Variants in DCC observed in about 807,000 individuals in gnomAD.
The protein encoded by DCC is DCC netrin 1 receptor, also known as netrin receptor DCC.
Under a neutral mutation model 172.5 loss-of-function variants are expected in DCC, and 58 were observed. The observed-to-expected ratio is 0.34, with a 90% CI of 0.27 to 0.42. DCC has a LOEUF of 0.42. DCC is among the 10% of genes least tolerant of loss of function. The pLI is 1.00. For synonymous variants in DCC, 709 were observed against 644.5 expected, an observed-to-expected ratio of 1.10 and a Z score of -1.52; for missense variants, 1,740 against 1,791.0, an observed-to-expected ratio of 0.97 and a Z score of 0.51.
chr18:52,391,768 A>C (rs906643075), intron 1 of DCC, among the ~76,000 whole-genome samples: 2 of 152,096 alleles, frequency 1.3e-5, no homozygotes, highest in African/African-American at 4.8e-5. Context: ...ACTCTATTCT[A>C]TTTGGGCATA....
chr18:53,255,984 T>C (rs2056506004), intron 12 of DCC, among the ~76,000 whole-genome samples: 1 of 152,222 alleles, frequency 6.6e-6, no homozygotes, highest in African/African-American at 2.4e-5. Context: ...CATTTTTTCA[T>C]GTGTCTTTTG....
chr18:53,336,051 G>A (rs1185076640), intron 14 of DCC, among the ~76,000 whole-genome samples: 2 of 152,124 alleles, frequency 1.3e-5, no homozygotes, highest in Non-Finnish European at 2.9e-5. Flanking sequence ...ATTTGGGTGG[G>A]AACACAACCA....
Position 53,322,169 on chromosome 18 carries a change from T to C in DCC, c.2164+12T>C, listed in dbSNP as rs558621040. 2.3e-4 allele frequency: 286 copies of C among 1,270,580 alleles called. No homozygotes were observed. In the African/African-American group the frequency reaches 3.4e-3, roughly 15 times the overall value. The allele number at this position is 1,270,580 out of a possible 1,614,324, so 78.7% of individuals were successfully genotyped here. A position where few individuals can be genotyped will look rare whatever the true frequency, so the allele number is the denominator to read the frequency against. ...GAATGATCTAGATGGTAAGACTTTT[T>C]CCCAGTTACTATCACTCTGATTATC... On this transcript the variant is annotated intron_variant, in intron 14 of 28. Transcript: ENST00000442544.
intron 5 of DCC, among the ~76,000 whole-genome samples, chr18:53,027,059 T>G (rs562545221): frequency 3.3e-5 from 5 of 152,300 alleles, no homozygotes; most frequent in African/African-American, 1.2e-4. Context: ...ACATAAATGC[T>G]AATTTCCTGG....
chr18:52,538,169 C>A (rs1202586866), intron 1 of DCC, among the ~76,000 whole-genome samples: 1 of 152,142 alleles, frequency 6.6e-6, no homozygotes, highest in East Asian at 1.9e-4. Flanking sequence ...CCGAAGTCTC[C>A]CAGTAGTCTT....
chr18:52,982,993 G>A (rs76886930), intron 5 of DCC, among the ~76,000 whole-genome samples: 17,203 of 152,176 alleles, frequency 0.11, 1,364 homozygotes, highest in East Asian at 0.31. Context: ...TGGTTTGCCT[G>A]GGAGAGTGCT....
chr18:53,317,796 G>A (rs1013145823), intron 13 of DCC, among the ~76,000 whole-genome samples: 2 of 152,090 alleles, frequency 1.3e-5, no homozygotes, highest in Non-Finnish European at 2.9e-5. Flanking sequence ...ATTCTCTGAT[G>A]GTAGTTTGTA....
rs1457172626 is a variant in DCC at position 52,923,696 on chromosome 18, T to A, written c.698-11T>A. On this transcript the variant is annotated splice_polypyrimidine_tract_variant and intron_variant, in intron 3 of 28. Coordinates refer to ENST00000442544, the MANE Select transcript of DCC (RefSeq NM_005215.4). Reference sequence around the variant, plus strand: ...TCATATATCATATGATACTGTGTTTTCCCCTCATAGATCCAGGACTGCATA... The same window carrying A: ...TCATATATCATATGATACTGTGTTTACCCCTCATAGATCCAGGACTGCATA... 6.3e-7 allele frequency: 1 copy of A among 1,590,644 alleles called. No individual in the cohort carries two copies. The highest frequency in any genetic ancestry group is 1.3e-5 in the African/African-American group (1 of 74,498).
intron 1 of DCC, among the ~76,000 whole-genome samples, chr18:52,736,735 C>A (rs1003722186): frequency 1.4e-4 from 21 of 152,054 alleles, no homozygotes; most frequent in African/African-American, 4.8e-4. Flanking sequence ...CTCATGATAA[C>A]TAATTAGTCC....
intron 22 of DCC, among the ~76,000 whole-genome samples, chr18:53,444,840 C>T (rs367804556): frequency 6.6e-6 from 1 of 152,148 alleles, no homozygotes. Context: ...ATATTTATTT[C>T]CCTCATGATT....
intron 1 of DCC, among the ~76,000 whole-genome samples, chr18:52,509,701 C>T (rs376535795): frequency 2.0e-5 from 3 of 152,322 alleles, no homozygotes; most frequent in African/African-American, 7.2e-5. Context: ...GCATTTACTG[C>T]GATTTAGGAT....
At chr18:52,386,107 C>A (rs1985789108) in intron 1 of DCC, among the ~76,000 whole-genome samples, 1 of 152,052 alleles carries the variant, frequency 6.6e-6, no homozygotes, top group South Asian at 2.1e-4. Flanking sequence ...TATTAGCCAA[C>A]ATTAATGTTA....
At chr18:53,129,757 C>T (rs1028022515) in intron 7 of DCC, among the ~76,000 whole-genome samples, 1 of 152,068 alleles carries the variant, frequency 6.6e-6, no homozygotes, top group Non-Finnish European at 1.5e-5. Flanking sequence ...TATATGAACG[C>T]TTTCTAATTT....
intron 13 of DCC, among the ~76,000 whole-genome samples, chr18:53,313,055 A>AAGGGAAGAAGGAAGGGG: frequency 7.0e-6 from 1 of 142,800 alleles, no homozygotes; most frequent in Non-Finnish European, 1.5e-5. Context: ...GAAGGGAGGG[A>AAGGGAAGAAGGAAGGGG]AGGAAAGGGT....
chr18:52,447,601 G>C (rs1453074517), intron 1 of DCC, among the ~76,000 whole-genome samples: 1 of 152,164 alleles, frequency 6.6e-6, no homozygotes, highest in Non-Finnish European at 1.5e-5. Flanking sequence ...AAATACCTGA[G>C]ACTGGGTAAT....
intron 14 of DCC, among the ~76,000 whole-genome samples, chr18:53,326,345 T>A (rs2057467960): frequency 6.6e-6 from 1 of 152,188 alleles, no homozygotes; most frequent in Non-Finnish European, 1.5e-5. Flanking sequence ...CATAAATATG[T>A]GGGATGTGTA....
chr18:53,262,671 C>A lies in DCC; in HGVS notation c.1912-42907C>A, dbSNP rs529940715. Among the ~76,000 whole-genome samples the A allele has an allele frequency of 1.2e-4, 18 of 152,128 alleles. No homozygotes were observed. In the East Asian group the frequency reaches 3.5e-3, roughly 29 times the overall value. ...TAAATTCTGAAGGATAAATAGAAAC[C>A]CTTTTCTGCATAGACATTCTCCCTT... On this transcript the variant is annotated intron_variant, in intron 12 of 28. Coordinates refer to ENST00000442544, the MANE Select transcript of DCC (RefSeq NM_005215.4).
At position 53,177,211 on chromosome 18, in the gene DCC, G is replaced by T. The variant is rs1167441960; in HGVS notation, c.1419-1751G>T. ...GGGGGAGCGGGGGAGGGATAGCACT[G>T]GGAGATATACCTAATGCTAGATGAC... On this transcript the variant is annotated intron_variant, in intron 8 of 28. Coordinates refer to ENST00000442544, the MANE Select transcript of DCC (RefSeq NM_005215.4). Among the ~76,000 whole-genome samples the T allele has an allele frequency of 3.3e-5, 5 of 152,034 alleles. No homozygotes were observed. The East Asian group carries it at 9.7e-4, about 30-fold the overall frequency.
chr18:53,392,645 A>G (rs1170506476), intron 17 of DCC, among the ~76,000 whole-genome samples: 2 of 152,232 alleles, frequency 1.3e-5, no homozygotes, highest in African/African-American at 2.4e-5. Flanking sequence ...GTATATATAG[A>G]CAATATACAA....
Sources: allele counts gnomAD v4.1 joint callset (sites outside exome capture counted in the v4.1 genomes callset), GRCh38; gene constraint gnomAD v4.1.1; transcripts MANE v1.5; gene names NCBI Gene and HGNC (gene_info 2026-07-23, HGNC 2026-07-21).